Variants in EPAS1 observed in about 807,000 individuals in gnomAD.
EPAS1 encodes endothelial PAS domain-containing protein 1.
A neutral mutation model predicts 87.9 loss-of-function variants in EPAS1; 23 were observed. The ratio of observed to expected loss-of-function variants is 0.26; its 90% CI spans 0.19 to 0.37. The LOEUF is 0.37. Among genes scored for constraint, EPAS1 ranks in the 10% least tolerant of loss-of-function variants. The pLI is 1.00. For synonymous variants in EPAS1, 508 were observed against 444.3 expected, an observed-to-expected ratio of 1.14 and a Z score of -1.80; for missense variants, 1,138 against 1,120.7, an observed-to-expected ratio of 1.02 and a Z score of -0.22.
In EPAS1 at chr2:46,347,068, G is replaced by A. The variant is rs779189080; in HGVS notation, c.217+5G>A. ...CACACAAGCTCCTCTCCTCAGGTAA[G>A]GCCAGCAGGCTCCCCTAGGCTGGGC... On this transcript the variant is annotated splice_donor_5th_base_variant and intron_variant, in intron 2 of 15. Transcript: ENST00000263734. This position sits in a 1 kb window ranked among gnomAD's most constrained non-coding sequence, Gnocchi z 4.2. 1 of 1,614,196 alleles carries A rather than the reference G, an allele frequency of 6.2e-7. No homozygotes were observed. The highest frequency in any genetic ancestry group is 2.2e-5 in the East Asian group (1 of 44,880).
chr2:46,352,309 G>A (rs1684180899), intron 2 of EPAS1, among the ~76,000 whole-genome samples: 1 of 152,194 alleles, frequency 6.6e-6, no homozygotes. Context: ...CCACCAGTCT[G>A]TCGATTCCGA....
intron 14 of EPAS1, 119 bp downstream of exon 14, chr2:46,382,208 A>G: frequency 1.8e-6 from 2 of 1,105,698 alleles, no homozygotes; most frequent in South Asian, 1.3e-5. Context: ...GAGCCTTGTT[A>G]GAATGGGGCG....
Position 46,350,669 on chromosome 2 carries a change from T to A in EPAS1, c.217+3606T>A, listed in dbSNP as rs555698019. Among the ~76,000 whole-genome samples, 64 of 152,374 alleles carry A rather than the reference T, an allele frequency of 4.2e-4. 1 individual carries two copies. In the East Asian group the frequency reaches 9.1e-3, roughly 22 times the overall value. On this transcript the variant is annotated intron_variant, in intron 2 of 15. Transcript: ENST00000263734. ...AAACCATGAGCGAATCAGGGTCAAC[T>A]CTGCATTCTGAGGGCATTAAACCGC...
chr2:46,375,791 C>A lies in EPAS1; in HGVS notation c.988C>A (p.Arg330Ser), dbSNP rs750239808. The A allele has an allele frequency of 1.9e-6, 3 of 1,614,118 alleles. No individual in the cohort carries two copies. In the Admixed American group the frequency reaches 5.0e-5, roughly 27 times the overall value. Residue 330 changes from arginine to serine, a missense_variant, in exon 8 of 16, where the codon CGC (arginine) becomes AGC (serine). Coordinates refer to ENST00000263734, the MANE Select transcript of EPAS1 (RefSeq NM_001430.5). The surrounding 1 kb of genome is among the most constrained non-coding windows in gnomAD (Gnocchi z 4.1). ...ETQGTVIYNP[R>S]NLQPQCIMCV... ...CCAGGGGACGGTCATCTACAACCCT[C>A]GCAACCTGCAGCCCCAGTGCATCAT...
At chr2:46,317,055 C>T (rs1683357226) in intron 1 of EPAS1, among the ~76,000 whole-genome samples, 1 of 152,212 alleles carries the variant, frequency 6.6e-6, no homozygotes, top group African/African-American at 2.4e-5. Flanking sequence ...TGCAACAGTT[C>T]AGTCACATCT....
intron 3 of EPAS1, 35 bp from the exon 4 acceptor site, chr2:46,356,689 A>G (rs1005443589): frequency 6.6e-7 from 1 of 1,516,826 alleles, no homozygotes; most frequent in African/African-American, 1.4e-5. Context: ...CTTCACTGTT[A>G]GGAATAATGA....
intron 1 of EPAS1, among the ~76,000 whole-genome samples, chr2:46,344,478 C>T (rs1269771484): frequency 6.6e-6 from 1 of 152,196 alleles, no homozygotes; most frequent in South Asian, 2.1e-4. Flanking sequence ...TTCACCTGAC[C>T]CTCCTGATCC....
chr2:46,377,782 G>A, intron 9 of EPAS1, 112 bp from the exon 10 acceptor site: 1 of 1,540,430 alleles, frequency 6.5e-7, no homozygotes, highest in East Asian at 2.4e-5. Flanking sequence ...CCTAGCCCCA[G>A]GCATGCCTTC....
intron 1 of EPAS1, among the ~76,000 whole-genome samples, chr2:46,338,736 C>A (rs537035328): frequency 1.3e-5 from 2 of 152,292 alleles, no homozygotes; most frequent in East Asian, 1.9e-4. Flanking sequence ...AGAGAAGCAG[C>A]CTAGAGAGAG....
intron 15 of EPAS1, 70 bp downstream of exon 15, chr2:46,382,668 T>A (rs1389093079): frequency 6.3e-7 from 1 of 1,588,534 alleles, no homozygotes; most frequent in East Asian, 2.3e-5. Context: ...GTCTACTTTT[T>A]TTCCAGCGTC....
At chr2:46,337,988 C>A (rs1683830174) in intron 1 of EPAS1, among the ~76,000 whole-genome samples, 1 of 152,154 alleles carries the variant, frequency 6.6e-6, no homozygotes, top group Non-Finnish European at 1.5e-5. Flanking sequence ...GCTTCCCAGA[C>A]CAAGTGTATG....
intron 9 of EPAS1, 56 bp from the exon 10 acceptor site, chr2:46,377,838 C>T (rs1010985553): frequency 3.2e-6 from 5 of 1,551,396 alleles, no homozygotes; most frequent in Non-Finnish European, 4.4e-6. Flanking sequence ...CCTCCTCTGC[C>T]TTGGGGTGAG....
chr2:46,360,537 T>C lies in EPAS1; in HGVS notation c.455-101T>C. On this transcript the variant is annotated intron_variant, in intron 4 of 15. Coordinates refer to ENST00000263734, the MANE Select transcript of EPAS1 (RefSeq NM_001430.5). This position sits in a 1 kb window ranked among gnomAD's most constrained non-coding sequence, Gnocchi z 4.5. ...GCTAAGAGAGCAGATATTTGGAAAA[T>C]ATAAACAATAGGCTGCCAAGAAAAA... is the stretch of plus-strand genomic sequence containing the variant. 1 of 1,053,474 alleles carries C rather than the reference T, an allele frequency of 9.5e-7. No individual in the cohort carries two copies. The highest frequency in any genetic ancestry group is 1.5e-6 in the Non-Finnish European group (1 of 670,912). The allele number at this position is 1,053,474 out of a possible 1,614,324, so 65.3% of individuals were successfully genotyped here.
chr2:46,336,277 ATGT>A (rs1161576047), intron 1 of EPAS1, among the ~76,000 whole-genome samples: 3 of 152,162 alleles, frequency 2.0e-5, no homozygotes, highest in South Asian at 2.1e-4. Flanking sequence ...AAAGTGGAAG[ATGT>A]TGTGTCTGTG....
intron 1 of EPAS1, among the ~76,000 whole-genome samples, chr2:46,328,853 T>G (rs1683615444): frequency 6.6e-6 from 1 of 152,374 alleles, no homozygotes; most frequent in South Asian, 2.1e-4. Context: ...TCCAGGCCAG[T>G]CTTCTAAGCA....
chr2:46,316,393 G>A (rs543704794), intron 1 of EPAS1, among the ~76,000 whole-genome samples: 154 of 152,172 alleles, frequency 1.0e-3, no homozygotes, highest in African/African-American at 3.6e-3. Flanking sequence ...CCGAGTAGCT[G>A]GGATTTACAG....
At chr2:46,379,826 A>G in intron 11 of EPAS1, 1 of 275,770 alleles carries the variant, frequency 3.6e-6, no homozygotes, top group East Asian at 8.5e-5. Flanking sequence ...AAGAGGACAA[A>G]AAAAAGCCAC....
intron 6 of EPAS1, among the ~76,000 whole-genome samples, chr2:46,362,977 AGTGGTGGTGGTGGTG>A (rs75642579): frequency 3.4e-4 from 36 of 104,374 alleles, no homozygotes; most frequent in Non-Finnish European, 4.7e-4. Flanking sequence ...TGGTGGTGGT[AGTGGTGGTGGTGGTG>A]GTGGTGGTGG....
chr2:46,381,645 A>G lies in EPAS1; in HGVS notation c.2095A>G (p.Met699Val), dbSNP rs1429908452. Residue 699 changes from methionine (M) to valine (V), a missense_variant, in exon 13 of 16, where the codon ATG becomes GTG. By Grantham distance (21) the Met-to-Val change is conservative. Around this residue, in one of 4 missense-constraint regions of EPAS1, gnomAD observed 502 missense variants for 427.1 expected, o/e 1.18. Coordinates refer to ENST00000263734, the MANE Select transcript of EPAS1 (RefSeq NM_001430.5). ...ARGPDVLSPA[M>V]VALSNKLKLK... ...AGGCCCAGACGTGCTGAGTCCGGCC[A>G]TGGTAGCCCTCTCCAACAAGCTGAA... 1 of 1,613,908 alleles carries G rather than the reference A, an allele frequency of 6.2e-7. No individual in the cohort carries two copies. The highest frequency in any genetic ancestry group is 1.3e-5 in the African/African-American group (1 of 74,922).
Sources: gnomAD v4.1 joint callset for allele counts (sites outside exome capture counted in the v4.1 genomes callset) on GRCh38, gnomAD v4.1.1 for gene constraint, gnomAD v4.1.1 regional missense constraint, Gnocchi (gnomAD v3.1) non-coding constraint, MANE v1.5 for transcripts, NCBI Gene and HGNC (gene_info 2026-07-23, HGNC 2026-07-21) for gene names.